TJP1: variants seen among roughly 807,000 people sequenced by gnomAD.
The protein encoded by TJP1 is tight junction protein ZO-1.
Under a neutral mutation model 194.2 loss-of-function variants are expected in TJP1, and 43 were observed. The observed-to-expected ratio is 0.22, with a 90% CI of 0.17 to 0.29. The LOEUF (loss-of-function observed/expected upper bound fraction) is 0.29. Among genes scored for constraint, TJP1 ranks in the 10% least tolerant of loss-of-function variants. The pLI, the probability that TJP1 is intolerant of heterozygous loss-of-function variation, is 1.00. For synonymous variants in TJP1, 801 were observed against 779.0 expected (o/e 1.03, Z -0.47); for missense variants, 1,971 against 2,185.7 (o/e 0.90, Z 1.96).
In TJP1 at chr15:29,770,501, A is replaced by G. The variant is rs567909032; in HGVS notation, c.312+1563T>C. On this transcript the variant is annotated intron_variant, in intron 4 of 27. Transcript: ENST00000614355. ...CGGGGCGGATCACGAGACAGCCTCC[A>G]TCAGGAGATCGACACCATCCTGGCT... is the stretch of plus-strand genomic sequence containing the variant. 5.8e-4 allele frequency among the ~76,000 whole-genome samples: 88 copies of G among 151,524 alleles called. 1 individual carries two copies. In the East Asian group the frequency reaches 0.017, roughly 29 times the overall value.
chr15:29,855,744 T>A (rs1221847104), intron 2 of TJP1, among the ~76,000 whole-genome samples: 1 of 151,868 alleles, frequency 6.6e-6, no homozygotes, highest in Non-Finnish European at 1.5e-5. Context: ...TAATCCCAGT[T>A]ACTCAGGAGG....
chr15:29,874,105 T>C (rs1197642212), intron 2 of TJP1, among the ~76,000 whole-genome samples: 1 of 152,148 alleles, frequency 6.6e-6, no homozygotes, highest in African/African-American at 2.4e-5. Flanking sequence ...TTCCATGTAC[T>C]TTTTCAGGTT....
chr15:29,819,064 C>T (rs1472806811), intron 1 of TJP1, among the ~76,000 whole-genome samples: 2 of 152,128 alleles, frequency 1.3e-5, no homozygotes, highest in East Asian at 1.9e-4. Context: ...GTGACCCACC[C>T]GCCTTTATTA....
chr15:29,906,472 T>C (rs2053817546), intron 2 of TJP1, among the ~76,000 whole-genome samples: 1 of 138,900 alleles, frequency 7.2e-6, no homozygotes, highest in Non-Finnish European at 1.6e-5. Flanking sequence ...CGTCTCAAAA[T>C]AAATAAATAA....
intron 8 of TJP1, among the ~76,000 whole-genome samples, chr15:29,745,966 T>TG (rs1344373394): frequency 6.6e-6 from 1 of 152,134 alleles, no homozygotes; most frequent in Non-Finnish European, 1.5e-5. Context: ...GGGGGTGAAC[T>TG]GGGGGTGAAG....
chr15:29,812,867 C>T (rs2049623732), intron 1 of TJP1, among the ~76,000 whole-genome samples: 1 of 152,152 alleles, frequency 6.6e-6, no homozygotes, highest in African/African-American at 2.4e-5. Context: ...ATTTCTCACA[C>T]TTATAACTAA....
chr15:29,708,196 C>CAAA (rs770746842), intron 25 of TJP1, among the ~76,000 whole-genome samples: 14 of 63,518 alleles, frequency 2.2e-4, no homozygotes, highest in South Asian at 6.1e-4. Flanking sequence ...ACTCTTGTCT[C>CAAA]AAAAAAAAAA....
rs561481711 is a variant in TJP1 at position 29,749,186 on chromosome 15, A to G, written c.1011-6405T>C. Among the ~76,000 whole-genome samples the G allele has an allele frequency of 4.4e-3, 668 of 150,790 alleles. 2 individuals are homozygous for G. Among genetic ancestry groups the G allele is most frequent in the Non-Finnish European group, 6.8e-3 (464 of 67,776 alleles). On this transcript the variant is annotated intron_variant, in intron 8 of 27. Transcript: ENST00000614355. The stretch of plus-strand genomic sequence containing the variant: ...TGTATTAACTTGCACGTATTAATCT[A>G]AAGGTAATGACCTTGTTATCTGGAG...
chr15:29,960,103 C>A (rs900474588), intron 1 of TJP1, among the ~76,000 whole-genome samples: 1 of 152,104 alleles, frequency 6.6e-6, no homozygotes, highest in African/African-American at 2.4e-5. Context: ...ATAAATCTGT[C>A]TAGTGTTCTT....
At chr15:29,824,040 G>A (rs2050584916), upstream of TJP1, 1 of 119,256 alleles carries the variant, frequency 8.4e-6, no homozygotes, top group South Asian at 2.9e-4. Flanking sequence ...TCCAGATCGT[G>A]CCACTGTACT....
intron 2 of TJP1, among the ~76,000 whole-genome samples, chr15:29,837,635 A>G (rs1230368686): frequency 1.3e-5 from 2 of 152,244 alleles, no homozygotes; most frequent in African/African-American, 2.4e-5. Flanking sequence ...TTCTTAACAC[A>G]TATAAATGTA....
chr15:29,790,183 T>A (rs1158078408), intron 2 of TJP1, among the ~76,000 whole-genome samples: 1 of 152,222 alleles, frequency 6.6e-6, no homozygotes, highest in Non-Finnish European at 1.5e-5. Flanking sequence ...CTAAAATACT[T>A]ATTTACTATC....
At chr15:29,958,674 CACAT>C (rs1453476294) in intron 1 of TJP1, among the ~76,000 whole-genome samples, 22 of 152,142 alleles carry the variant, frequency 1.4e-4, no homozygotes, top group Admixed American at 1.2e-3. Flanking sequence ...CACACACACA[CACAT>C]AAACTCATAT....
rs140470931 is a variant in TJP1, at chr15:29,750,355, T to C, written c.1011-7574A>G. On this transcript the variant is annotated intron_variant, in intron 8 of 27. Transcript: ENST00000614355. ...GGTTTCACCGTGTTGCCCAGGCTGG[T>C]CTTGAACTCCTGAGTTCAGGCAATC... Among the ~76,000 whole-genome samples, 4 of 152,160 alleles carry C rather than the reference T, an allele frequency of 2.6e-5. No individual in the cohort carries two copies. The East Asian group carries it at 7.8e-4, about 29-fold the overall frequency.
intron 2 of TJP1, among the ~76,000 whole-genome samples, chr15:29,842,864 A>G (rs1014553183): frequency 2.6e-5 from 4 of 152,170 alleles, no homozygotes; most frequent in African/African-American, 9.7e-5. Context: ...ATGTTGAATT[A>G]TCCTGTTTTC....
chr15:29,824,443 CA>C (rs2050616853), upstream of TJP1, among the ~76,000 whole-genome samples: 1 of 96,506 alleles, frequency 1.0e-5, no homozygotes, highest in African/African-American at 3.6e-5. Context: ...AACTCCGTCT[CA>C]AATCATCATC....
At chr15:29,883,282 C>T (rs2053002983) in intron 2 of TJP1, among the ~76,000 whole-genome samples, 1 of 106,426 alleles carries the variant, frequency 9.4e-6, no homozygotes, top group Non-Finnish European at 2.0e-5. Context: ...TTTCCTGCAG[C>T]CCTGGGACAC....
intron 8 of TJP1, among the ~76,000 whole-genome samples, chr15:29,745,503 A>T (rs1350427265): frequency 6.6e-6 from 1 of 152,208 alleles, no homozygotes; most frequent in Non-Finnish European, 1.5e-5. Context: ...GTAGGATAGA[A>T]ATTCGGAAGC....
chr15:29,965,272 C>T (rs1668659287), intron 1 of TJP1, among the ~76,000 whole-genome samples: 2 of 151,934 alleles, frequency 1.3e-5, no homozygotes, highest in South Asian at 2.1e-4. Flanking sequence ...TGCAATGGTA[C>T]AATCTCGGCT....
Sources: allele counts gnomAD v4.1 joint callset (sites outside exome capture counted in the v4.1 genomes callset), GRCh38; gene constraint gnomAD v4.1.1; transcripts MANE v1.5; gene names NCBI Gene and HGNC (gene_info 2026-07-23, HGNC 2026-07-21).